Variants in SPMIP3 observed in about 807,000 individuals in gnomAD.
SPMIP3 encodes sperm microtubule inner protein 3.
the SPMIP3 span, among the ~76,000 whole-genome samples, chr1:244,360,883 C>A: frequency 3.9e-3 from 533 of 137,804 alleles, no homozygotes; most frequent in South Asian, 4.9e-3. Flanking sequence ...GACTCCGTCT[C>A]AAAAAAAAAA....
the SPMIP3 span, among the ~76,000 whole-genome samples, chr1:244,354,913 G>A: frequency 1.1e-4 from 16 of 152,296 alleles, no homozygotes; most frequent in African/African-American, 3.4e-4. Context: ...AGCAGTGACT[G>A]TGCTTTAATT....
chr1:244,381,822 C>T, the SPMIP3 span, among the ~76,000 whole-genome samples: 3 of 152,114 alleles, frequency 2.0e-5, no homozygotes, highest in Admixed American at 1.3e-4. Context: ...TCCCAGCTAC[C>T]TGGGAGGCTG....
At chr1:244,355,541 C>T in the SPMIP3 span, among the ~76,000 whole-genome samples, 223 of 152,208 alleles carry the variant, frequency 1.5e-3, 1 homozygote, top group African/African-American at 5.0e-3. Context: ...GCAAGCGCCA[C>T]CACGCCTGGC....
the SPMIP3 span, among the ~76,000 whole-genome samples, chr1:244,381,733 C>G: frequency 6.6e-6 from 1 of 152,160 alleles, no homozygotes; most frequent in East Asian, 1.9e-4. Context: ...AAGTTCGAGA[C>G]CAGCCTGGCC....
the SPMIP3 span, chr1:244,376,342 C>T: frequency 6.6e-6 from 1 of 152,216 alleles, no homozygotes; most frequent in South Asian, 2.1e-4. Flanking sequence ...TTAATCTCCC[C>T]TCTAAGTGTG....
At chr1:244,383,687 G>T in the SPMIP3 span, among the ~76,000 whole-genome samples, 77 of 152,302 alleles carry the variant, frequency 5.1e-4, no homozygotes, top group Middle Eastern at 3.4e-3. Context: ...GGTTCATAGA[G>T]AGTACAGCAT....
chr1:244,359,851 C>T, the SPMIP3 span, among the ~76,000 whole-genome samples: 2 of 151,982 alleles, frequency 1.3e-5, no homozygotes, highest in African/African-American at 2.4e-5. Context: ...TGGCTCACGC[C>T]TGTAATCCCA....
the SPMIP3 span, among the ~76,000 whole-genome samples, chr1:244,371,160 C>T: frequency 6.6e-6 from 1 of 152,220 alleles, no homozygotes; most frequent in Non-Finnish European, 1.5e-5. Context: ...GGTTTGCTCT[C>T]ATGTGGACTG....
At chr1:244,378,006 C>T in the SPMIP3 span, among the ~76,000 whole-genome samples, 4 of 151,980 alleles carry the variant, frequency 2.6e-5, no homozygotes, top group African/African-American at 7.3e-5. Context: ...GGGTTTTCAC[C>T]GTGTTGCTCA....
the SPMIP3 span, among the ~76,000 whole-genome samples, chr1:244,379,176 C>T: frequency 0.035 from 5,263 of 151,688 alleles, 325 homozygotes; most frequent in African/African-American, 0.12. Context: ...GATCCGCCCG[C>T]CTAAGCCTCC....
At chr1:244,360,808 T>C in the SPMIP3 span, among the ~76,000 whole-genome samples, 1 of 148,866 alleles carries the variant, frequency 6.7e-6, no homozygotes, top group Non-Finnish European at 1.5e-5. Flanking sequence ...TGCTTCACCC[T>C]GGGAGGCGGA....
chr1:244,374,247 C>G, the SPMIP3 span, among the ~76,000 whole-genome samples: 1 of 152,184 alleles, frequency 6.6e-6, no homozygotes, highest in Non-Finnish European at 1.5e-5. Flanking sequence ...TGTCCCACCT[C>G]TTCTTACGTT....
the SPMIP3 span, among the ~76,000 whole-genome samples, chr1:244,375,875 C>T: frequency 1.3e-5 from 2 of 152,142 alleles, no homozygotes; most frequent in African/African-American, 4.8e-5. Flanking sequence ...CCATGTTGGT[C>T]AGGCTGGTCT....
At chr1:244,387,831 G>A in the SPMIP3 span, among the ~76,000 whole-genome samples, 2,288 of 152,144 alleles carry the variant, frequency 0.015, 63 homozygotes, top group African/African-American at 0.053. Flanking sequence ...TGGTTGGTGA[G>A]AGAGTGGTCA....
the SPMIP3 span, among the ~76,000 whole-genome samples, chr1:244,359,178 T>G: frequency 6.9e-6 from 1 of 145,660 alleles, no homozygotes; most frequent in African/African-American, 2.5e-5. Flanking sequence ...ATCCCTCACA[T>G]AAGGTAGAGG....
the SPMIP3 span, among the ~76,000 whole-genome samples, chr1:244,374,782 G>C: frequency 6.6e-5 from 10 of 151,472 alleles, no homozygotes; most frequent in African/African-American, 2.2e-4. Context: ...ATTTTTAGTA[G>C]AGATGGGGTT....
chr1:244,362,880 G>GAAC, the SPMIP3 span, among the ~76,000 whole-genome samples: 1 of 121,488 alleles, frequency 8.2e-6, no homozygotes, highest in Non-Finnish European at 1.6e-5. Flanking sequence ...GGGTCTCACT[G>GAAC]TCACCCAGGC....
the SPMIP3 span, among the ~76,000 whole-genome samples, chr1:244,382,600 GT>G: frequency 3.1e-3 from 330 of 106,050 alleles, no homozygotes; most frequent in South Asian, 6.5e-3. Context: ...TCTGGCTGCT[GT>G]TTTTTTTTTT....
At chr1:244,389,014 TCTA>T in the SPMIP3 span, 1 of 1,614,026 alleles carries the variant, frequency 6.2e-7, no homozygotes, top group South Asian at 1.1e-5. Flanking sequence ...CTGCCAGAGC[TCTA>T]CTGTTGTGAA....
Sources: gnomAD v4.1 joint callset for allele counts (sites outside exome capture counted in the v4.1 genomes callset) on GRCh38, gnomAD v4.1.1 for gene constraint, MANE v1.5 for transcripts, NCBI Gene and HGNC (gene_info 2026-07-23, HGNC 2026-07-21) for gene names.